Variants in SCN11A observed in about 807,000 individuals in gnomAD.
The protein encoded by SCN11A is sodium channel protein type 11 subunit alpha.
A neutral mutation model predicts 162.2 loss-of-function variants in SCN11A; 122 were observed. The observed-to-expected ratio is 0.75, with a 90% CI of 0.65 to 0.87. The LOEUF (loss-of-function observed/expected upper bound fraction) is 0.87, where lower values mean the gene tolerates loss of function less well. Among genes scored for constraint, SCN11A ranks in the 40% least tolerant of loss-of-function variants. The probability of loss-of-function intolerance (pLI) is 0.00; values close to 1 mark genes in which losing one functional copy is unlikely to be tolerated. For synonymous variants in SCN11A, 758 were observed against 751.5 expected (o/e 1.01, Z -0.14); for missense variants, 2,015 against 2,181.6 (o/e 0.92, Z 1.52).
intron 27 of SCN11A, among the ~76,000 whole-genome samples, chr3:38,863,998 T>G (rs946463312): frequency 1.3e-5 from 2 of 152,274 alleles, no homozygotes; most frequent in East Asian, 3.9e-4. Flanking sequence ...TTAGAACATT[T>G]ACTAATCTCT....
intron 2 of SCN11A, among the ~76,000 whole-genome samples, chr3:38,964,092 C>T (rs953971802): frequency 2.0e-5 from 3 of 152,232 alleles, no homozygotes; most frequent in Non-Finnish European, 4.4e-5. Flanking sequence ...GAAATTAAAA[C>T]ATGTGTCTGA....
chr3:38,854,322 T>C (rs2064831893), intron 28 of SCN11A, among the ~76,000 whole-genome samples: 1 of 152,148 alleles, frequency 6.6e-6, no homozygotes, highest in Non-Finnish European at 1.5e-5. Context: ...GAAAAGTCTG[T>C]CAATCCCTGA....
chr3:38,921,004 G>A (rs1398656635), intron 10 of SCN11A, 72 bp downstream of exon 10: 6 of 1,377,454 alleles, frequency 4.4e-6, no homozygotes, highest in Non-Finnish European at 6.2e-6. Flanking sequence ...AAGTGTGAAG[G>A]CAGGACAAGT....
At chr3:38,875,929 C>A (rs2065199482) in intron 23 of SCN11A, among the ~76,000 whole-genome samples, 1 of 152,046 alleles carries the variant, frequency 6.6e-6, no homozygotes, top group South Asian at 2.1e-4. Context: ...AAGAACAAAT[C>A]TGGAGACATC....
Position 38,847,684 on chromosome 3 carries a change from G to C in SCN11A, c.4386C>G (p.Phe1462Leu). Residue 1462 changes from phenylalanine (F) to leucine (L), a missense_variant, in exon 30 of 30, where the codon TTC becomes TTG. Coordinates refer to ENST00000302328, the MANE Select transcript of SCN11A (RefSeq NM_001349253.2). ...CAATCCGAGCCAAGCGGACAATTCT[G>C]AAGAGCGTCGGAGGGAAAGGAATGT... ...QEHIPFPPTLFRIVRLARIGR... is the reference protein window; with the variant it reads ...QEHIPFPPTLLRIVRLARIGR... 2 of 1,613,566 alleles carry C rather than the reference G, an allele frequency of 1.2e-6. No individual in the cohort carries two copies. Among genetic ancestry groups the C allele is most frequent in the South Asian group, 1.1e-5 (1 of 91,062 alleles).
At chr3:39,004,064 C>T (rs1192653211) in intron 2 of SCN11A, among the ~76,000 whole-genome samples, 1 of 152,134 alleles carries the variant, frequency 6.6e-6, no homozygotes, top group Non-Finnish European at 1.5e-5. Flanking sequence ...GTTGCAATTG[C>T]TTTTGGTGTC....
At chr3:38,881,769 T>C (rs920543371) in intron 22 of SCN11A, among the ~76,000 whole-genome samples, 2 of 152,210 alleles carry the variant, frequency 1.3e-5, no homozygotes, top group Non-Finnish European at 2.9e-5. Flanking sequence ...CAGAGAAATA[T>C]GGGCTGGGTC....
At chr3:38,889,401 G>A (rs2065456704) in intron 19 of SCN11A, among the ~76,000 whole-genome samples, 1 of 151,942 alleles carries the variant, frequency 6.6e-6, no homozygotes, top group Admixed American at 6.6e-5. Flanking sequence ...CTCCAGCCTG[G>A]GTGGCAAGAG....
At chr3:39,025,726 C>T (rs1227271970) in intron 2 of SCN11A, among the ~76,000 whole-genome samples, 1 of 152,248 alleles carries the variant, frequency 6.6e-6, no homozygotes, top group East Asian at 1.9e-4. Flanking sequence ...TTTACCACAG[C>T]CTGTTTTATC....
chr3:38,963,401 T>TGG (rs2066758118), intron 2 of SCN11A, among the ~76,000 whole-genome samples: 1 of 61,810 alleles, frequency 1.6e-5, no homozygotes, highest in African/African-American at 1.1e-4. Context: ...GAGATATATA[T>TGG]ATATATATAT....
At chr3:38,870,516 A>T (rs538775312) in intron 26 of SCN11A, among the ~76,000 whole-genome samples, 175 bp downstream of exon 26, 1 of 152,340 alleles carries the variant, frequency 6.6e-6, no homozygotes, top group East Asian at 1.9e-4. Context: ...TCACTAGAGG[A>T]TGCATAAGAA....
chr3:38,920,011 GA>G lies in SCN11A; in HGVS notation c.893-11del. ...TTTTCAAAGCAATGGTCTGAGAGAG[GA>G]AAAAGTCATAAATTCAGATTTTAAA... On this transcript the variant is annotated splice_polypyrimidine_tract_variant and intron_variant, in intron 10 of 29. Coordinates refer to ENST00000302328, the MANE Select transcript of SCN11A (RefSeq NM_001349253.2). 6.3e-7 allele frequency: 1 copy of G among 1,598,790 alleles called. No individual in the cohort carries two copies. The highest frequency in any genetic ancestry group is 1.3e-5 in the African/African-American group (1 of 74,288).
intron 9 of SCN11A, among the ~76,000 whole-genome samples, chr3:38,923,512 CTCAA>C (rs2066087189): frequency 6.6e-6 from 1 of 152,204 alleles, no homozygotes; most frequent in African/African-American, 2.4e-5. Flanking sequence ...CCTTCTCTGT[CTCAA>C]TCAGTGACAT....
rs1316151623 is a variant in SCN11A at position 38,894,410 on chromosome 3, A to C, written c.2835+123T>G. On this transcript the variant is annotated intron_variant, in intron 19 of 29. Coordinates refer to ENST00000302328, the MANE Select transcript of SCN11A (RefSeq NM_001349253.2). ...TCCTGAGATGTGCACATGGGTATCA[A>C]AGGGCAGCCACGTTTTGTACCCTTA... The C allele has an allele frequency of 7.4e-6, 6 of 807,356 alleles. No homozygotes were observed. The East Asian group carries it at 1.2e-4, about 16-fold the overall frequency. 50.0% of individuals were successfully genotyped at this position (807,356 alleles called of 1,614,324 possible).
intron 7 of SCN11A, among the ~76,000 whole-genome samples, chr3:38,933,056 C>T (rs1184668541): frequency 6.6e-6 from 1 of 152,182 alleles, no homozygotes; most frequent in Admixed American, 6.5e-5. Context: ...CAGCAGCATT[C>T]GCGGTTCACA....
chr3:38,861,147 G>A (rs1217991158), intron 28 of SCN11A, among the ~76,000 whole-genome samples: 1 of 151,828 alleles, frequency 6.6e-6, no homozygotes, highest in Non-Finnish European at 1.5e-5. Context: ...TACAACAGCT[G>A]CAGAAAAAAA....
chr3:38,852,447 G>A (rs746515216), intron 28 of SCN11A, among the ~76,000 whole-genome samples: 2 of 152,122 alleles, frequency 1.3e-5, no homozygotes, highest in Non-Finnish European at 2.9e-5. Flanking sequence ...GACAAATAGA[G>A]GAGATTAAGA....
At chr3:38,953,395 C>T (rs960193982) in intron 4 of SCN11A, among the ~76,000 whole-genome samples, 6 of 151,766 alleles carry the variant, frequency 4.0e-5, no homozygotes, top group Non-Finnish European at 7.4e-5. Context: ...TACATGTGTA[C>T]CCCTGAACTT....
chr3:38,876,303 A>G (rs1285269338), intron 23 of SCN11A, among the ~76,000 whole-genome samples: 1 of 152,188 alleles, frequency 6.6e-6, no homozygotes, highest in Non-Finnish European at 1.5e-5. Context: ...TGGCTTAGGC[A>G]AAGACTTCAT....
Sources: allele counts gnomAD v4.1 joint callset (sites outside exome capture counted in the v4.1 genomes callset), GRCh38; gene constraint gnomAD v4.1.1; transcripts MANE v1.5; gene names NCBI Gene and HGNC (gene_info 2026-07-23, HGNC 2026-07-21).